Variants in TNNI3K observed in about 807,000 individuals in gnomAD.
TNNI3K encodes TNNI3 interacting kinase, also known as serine/threonine-protein kinase TNNI3K.
Under a neutral mutation model 114.5 loss-of-function variants are expected in TNNI3K, and 140 were observed. That is an observed-to-expected ratio of 1.22 (90% CI 1.07 to 1.41). The LOEUF (loss-of-function observed/expected upper bound fraction) is 1.41, where lower values mean the gene tolerates loss of function less well. TNNI3K is among the 40% of genes most tolerant of loss of function. The pLI is 0.00. For missense variants in TNNI3K, 1,125 were observed against 1,007.6 expected (o/e 1.12, Z -1.58); for synonymous variants, 347 against 347.5 (o/e 1.00, Z 0.02).
intron 17 of TNNI3K, among the ~76,000 whole-genome samples, chr1:74,411,125 GT>G (rs887293359): frequency 2.3e-4 from 35 of 152,158 alleles, no homozygotes; most frequent in African/African-American, 8.2e-4. Flanking sequence ...AGCATCACTG[GT>G]TTTATCAGCT....
At chr1:74,489,395 T>C in intron 22 of TNNI3K, 147 bp downstream of exon 22, 2 of 768,670 alleles carry the variant, frequency 2.6e-6, no homozygotes, top group Admixed American at 3.6e-5. Context: ...TAAATTCCTA[T>C]GGTGGAGCAG....
At chr1:74,421,538 G>A (rs1440488303) in intron 17 of TNNI3K, among the ~76,000 whole-genome samples, 1 of 152,126 alleles carries the variant, frequency 6.6e-6, no homozygotes, top group Admixed American at 6.6e-5. Flanking sequence ...CTGTGGTAAA[G>A]TCTAAATCTT....
intron 23 of TNNI3K, among the ~76,000 whole-genome samples, chr1:74,531,808 G>C (rs1292497502): frequency 6.6e-6 from 1 of 152,198 alleles, no homozygotes; most frequent in African/African-American, 2.4e-5. Context: ...AAGGGGATAA[G>C]TGTGCATATG....
intron 11 of TNNI3K, among the ~76,000 whole-genome samples, chr1:74,354,446 C>T (rs1045396092): frequency 1.3e-5 from 2 of 150,554 alleles, no homozygotes; most frequent in Admixed American, 1.3e-4. Flanking sequence ...TAGTCTTTAT[C>T]TCTTATATGG....
At chr1:74,328,097 A>G (rs1232289240) in intron 5 of TNNI3K, among the ~76,000 whole-genome samples, 1 of 152,168 alleles carries the variant, frequency 6.6e-6, no homozygotes, top group African/African-American at 2.4e-5. Flanking sequence ...ATTCTATCAT[A>G]TAATTAAGTC....
chr1:74,394,969 G>A (rs867076224), intron 17 of TNNI3K, among the ~76,000 whole-genome samples: 1 of 151,846 alleles, frequency 6.6e-6, no homozygotes, highest in African/African-American at 2.4e-5. Context: ...GCGTGAACCC[G>A]GGAGGTGGAG....
At chr1:74,527,537 A>G (rs1334049750) in intron 23 of TNNI3K, among the ~76,000 whole-genome samples, 1 of 152,192 alleles carries the variant, frequency 6.6e-6, no homozygotes, top group African/African-American at 2.4e-5. Context: ...AAAAAGGAGA[A>G]CCAGAAAGCC....
intron 23 of TNNI3K, among the ~76,000 whole-genome samples, chr1:74,521,987 G>A (rs534246382): frequency 6.6e-6 from 1 of 152,154 alleles, no homozygotes; most frequent in Non-Finnish European, 1.5e-5. Context: ...GATCCAGGTA[G>A]AGTAAAAAAA....
intron 7 of TNNI3K, among the ~76,000 whole-genome samples, 162 bp from the exon 8 acceptor site, chr1:74,342,680 A>G (rs572331078): frequency 6.6e-6 from 1 of 152,312 alleles, no homozygotes; most frequent in African/African-American, 2.4e-5. Context: ...TAACATTAAA[A>G]TTTTAAAAAT....
chr1:74,472,488 T>C (rs558473181), intron 21 of TNNI3K, among the ~76,000 whole-genome samples: 2 of 152,154 alleles, frequency 1.3e-5, no homozygotes, highest in Non-Finnish European at 2.9e-5. Context: ...TAGTTGTTGG[T>C]TAGGTTAGCT....
chr1:74,475,558 G>A lies in TNNI3K; in HGVS notation c.2121+12008G>A, dbSNP rs45454994. On this transcript the variant is annotated intron_variant, in intron 21 of 24. Coordinates refer to ENST00000326637, the MANE Select transcript of TNNI3K (RefSeq NM_015978.3). The stretch of plus-strand genomic sequence containing the variant: ...GGTTGCAGACTCAGAGGCCGATGTT[G>A]CTTGATGGCTATTTTCCTGTAAAAG... 3,884 of 717,386 alleles carry A rather than the reference G, an allele frequency of 5.4e-3. 96 individuals carry two copies. In the African/African-American group the frequency reaches 0.059, roughly 11 times the overall value. 44.4% of individuals were successfully genotyped at this position (717,386 alleles called of 1,614,324 possible).
At chr1:74,320,837 T>C (rs1264078263) in intron 5 of TNNI3K, among the ~76,000 whole-genome samples, 1 of 152,188 alleles carries the variant, frequency 6.6e-6, no homozygotes, top group Non-Finnish European at 1.5e-5. Context: ...AAAATACTTT[T>C]GGCAGAAGAT....
intron 5 of TNNI3K, among the ~76,000 whole-genome samples, chr1:74,308,326 G>A (rs1557488088): frequency 6.6e-6 from 1 of 152,004 alleles, no homozygotes; most frequent in Admixed American, 6.6e-5. Flanking sequence ...TCAGACCACA[G>A]AGGAACAAAA....
chr1:74,397,898 AG>A (rs1188074383), intron 17 of TNNI3K, among the ~76,000 whole-genome samples: 1 of 152,282 alleles, frequency 6.6e-6, no homozygotes, highest in Non-Finnish European at 1.5e-5. Context: ...TAGAAGGCCA[AG>A]AAGGCGCTAT....
intron 17 of TNNI3K, among the ~76,000 whole-genome samples, chr1:74,382,385 G>C (rs45580539): frequency 1.3e-5 from 2 of 152,128 alleles, no homozygotes; most frequent in Non-Finnish European, 2.9e-5. Flanking sequence ...GAAAGATTCT[G>C]CAAGAGATAT....
intron 21 of TNNI3K, chr1:74,470,580 G>C: frequency 2.5e-6 from 1 of 400,560 alleles, no homozygotes; most frequent in East Asian, 3.6e-5. Context: ...GGTTGTTCTT[G>C]GATTGTGTTT....
At chr1:74,375,849 T>A (rs904798431) in intron 17 of TNNI3K, 1 of 260,280 alleles carries the variant, frequency 3.8e-6, no homozygotes, top group Non-Finnish European at 8.1e-6. Flanking sequence ...TCTATTGCAA[T>A]TCCCGTCTTG....
In TNNI3K at chr1:74,543,775, CA is replaced by C. The variant is rs1450097623; in HGVS notation, c.2432-130del. The C allele has an allele frequency of 8.5e-5, 83 of 977,040 alleles. No individual in the cohort carries two copies. In the African/African-American group the frequency reaches 1.0e-3, roughly 12 times the overall value. 60.5% of individuals were successfully genotyped at this position (977,040 alleles called of 1,614,324 possible). A position where few individuals can be genotyped will look rare whatever the true frequency, so the allele number is the denominator to read the frequency against. On this transcript the variant is annotated intron_variant, in intron 24 of 24. Coordinates refer to ENST00000326637, the MANE Select transcript of TNNI3K (RefSeq NM_015978.3). The stretch of plus-strand genomic sequence containing the variant: ...ATGTTGCTTGTGCTTTGCAACTACT[CA>C]CCAGCAACCGTTGTCCAGATTGTCT...
At position 74,467,768 on chromosome 1, in the gene TNNI3K, A is replaced by G. The variant is rs767592084; in HGVS notation, c.2121+4218A>G. ...ATGTGGGCTGCAAACTATGTATTCC[A>G]GATTACCCTGGAAAGTTTGTTGAAA... On this transcript the variant is annotated intron_variant, in intron 21 of 24. Transcript: ENST00000326637. 4.6e-5 allele frequency among the ~76,000 whole-genome samples: 7 copies of G among 152,302 alleles called. No homozygotes were observed. The East Asian group carries it at 1.2e-3, about 25-fold the overall frequency.
Sources: allele counts gnomAD v4.1 joint callset (sites outside exome capture counted in the v4.1 genomes callset), GRCh38; gene constraint gnomAD v4.1.1; transcripts MANE v1.5; gene names NCBI Gene and HGNC (gene_info 2026-07-23, HGNC 2026-07-21).